SLC30A8: variants seen among roughly 807,000 people sequenced by gnomAD.
SLC30A8 encodes solute carrier family 30 member 8.
In SLC30A8, 27 loss-of-function variants were observed where a neutral mutation model predicts 36.9. That is an observed-to-expected ratio of 0.73 (90% CI 0.54 to 1.01). The LOEUF is 1.01. Among genes scored for constraint, SLC30A8 ranks in the 50% least tolerant of loss-of-function variants. The pLI is 0.00. For synonymous variants in SLC30A8, 164 were observed against 172.4 expected, an observed-to-expected ratio of 0.95 and a Z score of 0.38; for missense variants, 439 against 452.0, an observed-to-expected ratio of 0.97 and a Z score of 0.26.
intron 2 of SLC30A8, among the ~76,000 whole-genome samples, chr8:117,067,741 G>A (rs1818212289): frequency 6.6e-6 from 1 of 152,078 alleles, no homozygotes; most frequent in African/African-American, 2.4e-5. Flanking sequence ...TAAATTCAGT[G>A]TACTAATATT....
intron 1 of SLC30A8, among the ~76,000 whole-genome samples, chr8:117,000,511 T>C (rs963201592): frequency 1.3e-5 from 2 of 152,236 alleles, no homozygotes; most frequent in Admixed American, 6.5e-5. Context: ...GTATTTTATC[T>C]AATGTGCTTA....
chr8:117,146,989 A>C lies in SLC30A8; in HGVS notation c.107A>C (p.Gln36Pro). ...CAACAGAAACCGGTGAATAAAGATC[A>C]GTGTCCCAGAGAGAGACCAGAGGAG... is the stretch of plus-strand genomic sequence containing the variant. ...ELQQKPVNKD[Q>P]CPRERPEELE... The change falls in exon 2 of 8, where the codon CAG becomes CCG. Residue 36 changes from glutamine (Q) to proline (P), a missense_variant. Gln to Pro is a moderately conservative substitution (Grantham distance 76, BLOSUM62 -1). Transcript: ENST00000456015. 6.2e-7 allele frequency: 1 copy of C among 1,614,126 alleles called. No individual in the cohort carries two copies. Among genetic ancestry groups the C allele is most frequent in the South Asian group, 1.1e-5 (1 of 91,084 alleles).
chr8:117,041,747 C>T (rs1200793023), intron 2 of SLC30A8, among the ~76,000 whole-genome samples: 16 of 151,942 alleles, frequency 1.1e-4, no homozygotes. Context: ...AGAGTCTAAA[C>T]ATTTTGAGCA....
At chr8:116,985,461 A>G (rs1815413759) in intron 1 of SLC30A8, among the ~76,000 whole-genome samples, 1 of 152,122 alleles carries the variant, frequency 6.6e-6, no homozygotes, top group African/African-American at 2.4e-5. Context: ...TCCTGCTAAT[A>G]ATAGAAAATT....
intron 1 of SLC30A8, among the ~76,000 whole-genome samples, chr8:116,962,276 A>AC (rs1563724227): frequency 6.6e-6 from 1 of 151,968 alleles, no homozygotes; most frequent in Non-Finnish European, 1.5e-5. Context: ...TGAACAATAG[A>AC]CCTTATAGAG....
chr8:117,087,234 A>G (rs955307403), intron 2 of SLC30A8, among the ~76,000 whole-genome samples: 2 of 152,224 alleles, frequency 1.3e-5, no homozygotes, highest in Admixed American at 6.5e-5. Context: ...GGTAATTTAC[A>G]TTAGTAGGAA....
At chr8:117,069,592 A>G (rs973929807) in intron 2 of SLC30A8, among the ~76,000 whole-genome samples, 1 of 152,254 alleles carries the variant, frequency 6.6e-6, no homozygotes, top group Admixed American at 6.5e-5. Flanking sequence ...ATACATGTCT[A>G]AGTATTTTGA....
chr8:116,969,350 G>A (rs1195418107), intron 1 of SLC30A8, among the ~76,000 whole-genome samples: 1 of 152,268 alleles, frequency 6.6e-6, no homozygotes, highest in African/African-American at 2.4e-5. Flanking sequence ...CCCGGGAGGT[G>A]GAGGTTGCAG....
At chr8:116,976,750 G>A (rs930241429) in intron 1 of SLC30A8, among the ~76,000 whole-genome samples, 15 of 151,592 alleles carry the variant, frequency 9.9e-5, no homozygotes, top group African/African-American at 3.4e-4. Context: ...TACTTAGCAG[G>A]ATGTCATCAT....
At chr8:117,127,319 CT>C (rs1563613790) in intron 2 of SLC30A8, among the ~76,000 whole-genome samples, 3 of 152,032 alleles carry the variant, frequency 2.0e-5, no homozygotes, top group African/African-American at 7.2e-5. Context: ...CTTTGGTAAT[CT>C]TCCCATTTCC....
Position 116,968,453 on chromosome 8 carries a change from A to C in SLC30A8, c.-266+17334A>C, listed in dbSNP as rs924826487. On this transcript the variant is annotated intron_variant, in intron 1 of 10. Coordinates refer to the SLC30A8 transcript ENST00000427715. ...CTGTGAGTCAGATGGAGCAGCATCT[A>C]TGTGGGGACTGTTTTATTCATGGCA... is the stretch of plus-strand genomic sequence containing the variant. Among the ~76,000 whole-genome samples, 3 of 151,524 alleles carry C rather than the reference A, an allele frequency of 2.0e-5. No homozygotes were observed. In the South Asian group the frequency reaches 6.2e-4, roughly 31 times the overall value.
intron 2 of SLC30A8, among the ~76,000 whole-genome samples, chr8:117,055,086 C>G (rs1452090384): frequency 6.6e-6 from 1 of 152,070 alleles, no homozygotes; most frequent in East Asian, 1.9e-4. Context: ...ATTGAACTAC[C>G]AAACCATTTT....
At chr8:116,955,911 C>A (rs931172943) in intron 1 of SLC30A8, among the ~76,000 whole-genome samples, 3 of 151,946 alleles carry the variant, frequency 2.0e-5, no homozygotes, top group African/African-American at 7.3e-5. Flanking sequence ...AAATTTCTCT[C>A]GTTTTGAGCC....
At chr8:117,125,259 A>G (rs995051987) in intron 2 of SLC30A8, among the ~76,000 whole-genome samples, 5 of 151,940 alleles carry the variant, frequency 3.3e-5, no homozygotes, top group Admixed American at 3.3e-4. Flanking sequence ...GTTTTGTCTT[A>G]TGGGTTTTGG....
At chr8:116,992,673 A>C (rs1815684372) in intron 1 of SLC30A8, among the ~76,000 whole-genome samples, 1 of 150,904 alleles carries the variant, frequency 6.6e-6, no homozygotes, top group Non-Finnish European at 1.5e-5. Context: ...TGTATTGAGA[A>C]AAAAGTTCAG....
At chr8:117,022,056 C>T (rs900282770) in intron 1 of SLC30A8, among the ~76,000 whole-genome samples, 1 of 151,490 alleles carries the variant, frequency 6.6e-6, no homozygotes, top group African/African-American at 2.4e-5. Flanking sequence ...AAAAATTAGC[C>T]GGGCATAGTG....
intron 1 of SLC30A8, among the ~76,000 whole-genome samples, chr8:116,987,474 A>G (rs1452602364): frequency 6.6e-6 from 1 of 152,116 alleles, no homozygotes; most frequent in East Asian, 1.9e-4. Flanking sequence ...AATAAAATAA[A>G]TATTGTCTAG....
At chr8:117,148,967 G>C (rs11776904) in intron 2 of SLC30A8, among the ~76,000 whole-genome samples, 17,947 of 151,914 alleles carry the variant, frequency 0.12, 1,299 homozygotes, top group Non-Finnish European at 0.16. Flanking sequence ...CTGTCTCATG[G>C]ATCTTCCTCA....
chr8:117,071,342 A>C (rs1563578514), intron 2 of SLC30A8, among the ~76,000 whole-genome samples: 1 of 151,754 alleles, frequency 6.6e-6, no homozygotes, highest in Non-Finnish European at 1.5e-5. Flanking sequence ...GGCCATTTTT[A>C]TATCTTCTTT....
Sources: allele counts gnomAD v4.1 joint callset (sites outside exome capture counted in the v4.1 genomes callset), GRCh38; gene constraint gnomAD v4.1.1; transcripts MANE v1.5; gene names NCBI Gene and HGNC (gene_info 2026-07-23, HGNC 2026-07-21).